TAPBPL: variants seen among roughly 807,000 people sequenced by gnomAD.
TAPBPL encodes the protein tapasin-related protein.
A neutral mutation model predicts 44.8 loss-of-function variants in TAPBPL; 32 were observed. That is an observed-to-expected ratio of 0.71 (90% CI 0.54 to 0.96). TAPBPL has a LOEUF of 0.96. Ranked by LOEUF, TAPBPL falls within the 40% of genes least tolerant of loss-of-function variation. The pLI, the probability that TAPBPL is intolerant of heterozygous loss-of-function variation, is 0.00. For missense variants in TAPBPL, 520 were observed against 586.6 expected, an observed-to-expected ratio of 0.89 and a Z score of 1.17; for synonymous variants, 230 against 240.7, an observed-to-expected ratio of 0.96 and a Z score of 0.41.
At position 6,456,276 on chromosome 12, in the gene TAPBPL, A is replaced by G. The variant is rs572794436; in HGVS notation, c.566-1130A>G. Among the ~76,000 whole-genome samples, 83 of 152,274 alleles carry G rather than the reference A, an allele frequency of 5.5e-4. 1 individual carries two copies. The South Asian group carries it at 0.016, about 30-fold the overall frequency. ...GGCTAGTGGTCTTGTAGAGTATCCC[A>G]ACATTTAGATTTGTCTGATTGTTTT... On this transcript the variant is annotated intron_variant, in intron 3 of 6. Coordinates refer to ENST00000266556, the MANE Select transcript of TAPBPL (RefSeq NM_018009.5).
rs199645235 is a variant in TAPBPL, at chr12:6,453,506, G to A, written c.355G>A (p.Glu119Lys). The part of the protein sequence containing the change: ...ALLHADCSGK[E>K]VTCEISRYFL... ...GCTCCATGCTGACTGCAGTGGGAAG[G>A]AGGTGACCTGTGAGATCTCCCGCTA... Residue 119 changes from glutamate to lysine, a missense_variant, in exon 3 of 7, where the codon GAG becomes AAG. Transcript: ENST00000266556. The surrounding 1 kb of genome is among the most constrained non-coding windows in gnomAD (Gnocchi z 4.8). The A allele has an allele frequency of 2.5e-5, 41 of 1,614,080 alleles. No homozygotes were observed. Among genetic ancestry groups the A allele is most frequent in the Non-Finnish European group, 3.1e-5 (36 of 1,180,042 alleles).
chr12:6,460,071 G>GT (rs1949809836), intron 5 of TAPBPL, among the ~76,000 whole-genome samples: 1 of 151,916 alleles, frequency 6.6e-6, no homozygotes, highest in Non-Finnish European at 1.5e-5. Flanking sequence ...CACCCTGCCT[G>GT]TCGAGAGGTT....
At chr12:6,464,776 G>A (rs560356538), downstream of TAPBPL, 270 of 1,555,380 alleles carry the variant, frequency 1.7e-4, no homozygotes, top group African/African-American at 8.8e-4. Flanking sequence ...CCATAGCAGC[G>A]GTCTCCATAC....
At position 6,452,286 on chromosome 12, in the gene TAPBPL, T is replaced by A. The variant is rs1949568653; in HGVS notation, c.38T>A (p.Leu13Gln). ...GAGGGCTGGTGCCTGCTGCTCTGCC[T>A]GGCTCTATCTGGAGCAGCAGAAACC... ...TQEGWCLLLC[L>Q]ALSGAAETKP... The change falls in exon 1 of 7, where the codon CTG (leucine) becomes CAG (glutamine). Residue 13 changes from leucine to glutamine, a missense_variant. Transcript: ENST00000266556. The A allele has an allele frequency of 1.3e-6, 2 of 1,575,234 alleles. No individual in the cohort carries two copies. Among genetic ancestry groups the A allele is most frequent in the Admixed American group, 3.8e-5 (2 of 52,154 alleles).
At chr12:6,461,288 C>T in intron 6 of TAPBPL, 1 of 1,140,406 alleles carries the variant, frequency 8.8e-7, no homozygotes, top group Non-Finnish European at 1.1e-6. Context: ...TGCCTTCCTT[C>T]ACTGTGCACC....
Position 6,452,081 on chromosome 12 carries a change from TAAGTGA to T in TAPBPL, c.-158_-153del, listed in dbSNP as rs1474449034. ...AGGGACGCGGGCTGCCATCTTGCTC[TAAGTGA>T]AAGTGAAAGAAAAGTCGGCAGCAGA... On this transcript the variant is annotated 5_prime_UTR_variant, in exon 1 of 7. Coordinates refer to ENST00000266556, the MANE Select transcript of TAPBPL (RefSeq NM_018009.5). 1 of 780,018 alleles carries T rather than the reference TAAGTGA, an allele frequency of 1.3e-6. No individual in the cohort carries two copies. Among genetic ancestry groups the T allele is most frequent in the Non-Finnish European group, 2.1e-6 (1 of 473,816 alleles). 48.3% of individuals were successfully genotyped at this position (780,018 alleles called of 1,614,324 possible).
Position 6,457,601 on chromosome 12 carries a change from C to T in TAPBPL, c.761C>T (p.Thr254Ile), listed in dbSNP as rs2136986877. The change falls in exon 4 of 7, where the codon ACC becomes ATC. Residue 254 changes from threonine to isoleucine, a missense_variant. Coordinates refer to ENST00000266556, the MANE Select transcript of TAPBPL (RefSeq NM_018009.5). The stretch of plus-strand genomic sequence containing the variant: ...GGGCAGGCTGTGCGGAAGGGCGCTA[C>T]CCTGGAGCCTGCACAACTGGGCATG... ...GQGQAVRKGA[T>I]LEPAQLGMAR... 1 of 1,614,222 alleles carries T rather than the reference C, an allele frequency of 6.2e-7. No individual in the cohort carries two copies.
Position 6,456,688 on chromosome 12 carries a change from C to T in TAPBPL, c.566-718C>T, listed in dbSNP as rs371577865. ...ATTTTTTTTGAGACGGAGTTTCACT[C>T]GTCGCCCAGACTGGAGTGCAATGGC... On this transcript the variant is annotated intron_variant, in intron 3 of 6. Transcript: ENST00000266556. Among the ~76,000 whole-genome samples, 5 of 148,236 alleles carry T rather than the reference C, an allele frequency of 3.4e-5. No individual in the cohort carries two copies. In the East Asian group the frequency reaches 1.0e-3, roughly 30 times the overall value.
At position 6,452,087 on chromosome 12, in the gene TAPBPL, A is replaced by T. The variant is rs1486688728; in HGVS notation, c.-162A>T. The T allele has an allele frequency of 2.5e-6, 2 of 815,902 alleles. No homozygotes were observed. The highest frequency in any genetic ancestry group is 4.9e-5 in the Admixed American group (2 of 41,236). The allele number at this position is 815,902 out of a possible 1,614,324, so 50.5% of individuals were successfully genotyped here. On this transcript the variant is annotated 5_prime_UTR_variant, in exon 1 of 7. Coordinates refer to ENST00000266556, the MANE Select transcript of TAPBPL (RefSeq NM_018009.5). ...GCGGGCTGCCATCTTGCTCTAAGTG[A>T]AAGTGAAAGAAAAGTCGGCAGCAGA...
intron 3 of TAPBPL, among the ~76,000 whole-genome samples, chr12:6,455,763 CTTTT>C (rs374886698): frequency 7.3e-6 from 1 of 136,974 alleles, no homozygotes; most frequent in Non-Finnish European, 1.5e-5. Flanking sequence ...GCGAGACCCT[CTTTT>C]TTTTTTTTTT....
rs139380766 is a variant in TAPBPL at position 6,453,490 on chromosome 12, T to C, written c.339T>C (p.Ala113=). ...CCCAGGCCGAGGCCTTGCTCCATGC[T>C]GACTGCAGTGGGAAGGAGGTGACCT... ...QIPQAEALLH[A]DCSGKEVTCE... Residue 113 remains alanine (A), a synonymous_variant, in exon 3 of 7, where the codon GCT becomes GCC. Transcript: ENST00000266556. The surrounding 1 kb of genome is among the most constrained non-coding windows in gnomAD (Gnocchi z 4.8). The C allele has an allele frequency of 5.0e-6, 8 of 1,614,094 alleles. No individual in the cohort carries two copies. Among genetic ancestry groups the C allele is most frequent in the Non-Finnish European group, 6.8e-6 (8 of 1,180,038 alleles).
chr12:6,457,600 A>T lies in TAPBPL; in HGVS notation c.760A>T (p.Thr254Ser). 1 of 1,614,108 alleles carries T rather than the reference A, an allele frequency of 6.2e-7. No individual in the cohort carries two copies. Among genetic ancestry groups the T allele is most frequent in the Non-Finnish European group, 8.5e-7 (1 of 1,180,004 alleles). Residue 254 changes from threonine (T) to serine (S), a missense_variant, in exon 4 of 7, where the codon ACC becomes TCC. Thr to Ser is a moderately conservative substitution (Grantham distance 58). Transcript: ENST00000266556. ...GQGQAVRKGA[T>S]LEPAQLGMAR... ...GGGGCAGGCTGTGCGGAAGGGCGCT[A>T]CCCTGGAGCCTGCACAACTGGGCAT...
At chr12:6,458,511 C>G (rs564537777) in intron 4 of TAPBPL, 134 bp from the exon 5 acceptor site, 15 of 1,081,082 alleles carry the variant, frequency 1.4e-5, no homozygotes, top group Middle Eastern at 2.1e-4. Context: ...CACACACCCC[C>G]GCCTTGGTAC....
chr12:6,467,668 C>T (rs895975631), downstream of TAPBPL, among the ~76,000 whole-genome samples: 5 of 152,236 alleles, frequency 3.3e-5, no homozygotes, highest in African/African-American at 1.2e-4. Context: ...GGGAAAATGT[C>T]TCCAGGCCAT....
chr12:6,466,269 T>C (rs752545523), downstream of TAPBPL: 1 of 1,614,170 alleles, frequency 6.2e-7, no homozygotes, highest in East Asian at 2.2e-5. Context: ...CTGTTACTGG[T>C]CATGTTAGGA....
At chr12:6,466,950 C>G (rs541114490), downstream of TAPBPL, 3 of 154,174 alleles carry the variant, frequency 1.9e-5, no homozygotes, top group East Asian at 5.7e-4. Flanking sequence ...CTTTCCGGTG[C>G]TATTCTGGTG....
downstream of TAPBPL, chr12:6,463,312 G>A (rs1347688859): frequency 3.3e-6 from 4 of 1,208,362 alleles, no homozygotes; most frequent in Non-Finnish European, 4.1e-6. This position sits in a 1 kb window ranked among gnomAD's most constrained non-coding sequence, Gnocchi z 4.0. Flanking sequence ...GACACAGGCT[G>A]GCACGCCTCC....
At chr12:6,452,533 C>T in intron 1 of TAPBPL, 4 of 1,415,358 alleles carry the variant, frequency 2.8e-6, no homozygotes, top group Non-Finnish European at 3.7e-6. Context: ...GAGGGGCTGC[C>T]TCTGTGGCTG....
At chr12:6,461,376 A>T in intron 6 of TAPBPL, 2 of 1,011,216 alleles carry the variant, frequency 2.0e-6, no homozygotes, top group Non-Finnish European at 2.4e-6. Flanking sequence ...ATGGAGGATA[A>T]GACCAAAGAG....
Sources: allele counts gnomAD v4.1 joint callset (sites outside exome capture counted in the v4.1 genomes callset), GRCh38; gene constraint gnomAD v4.1.1; non-coding constraint Gnocchi (gnomAD v3.1); transcripts MANE v1.5; gene names NCBI Gene and HGNC (gene_info 2026-07-23, HGNC 2026-07-21).